UST: variants seen among roughly 807,000 people sequenced by gnomAD.
The protein encoded by UST is uronyl 2-sulfotransferase.
Under a neutral mutation model 45.6 loss-of-function variants are expected in UST, and 21 were observed. The observed-to-expected ratio is 0.46, with a 90% CI of 0.33 to 0.66. The LOEUF is 0.66. UST is among the 30% of genes least tolerant of loss of function. The pLI is 0.02. For synonymous variants in UST, 215 were observed against 200.6 expected (o/e 1.07, Z -0.61); for missense variants, 463 against 512.4 (o/e 0.90, Z 0.93).
intron 1 of UST, among the ~76,000 whole-genome samples, chr6:148,829,517 A>G (rs1238246767): frequency 6.6e-6 from 1 of 152,150 alleles, no homozygotes; most frequent in Non-Finnish European, 1.5e-5. Context: ...TGTTCAGTCT[A>G]CTTCCAAAAT....
intron 1 of UST, among the ~76,000 whole-genome samples, chr6:148,777,884 A>G (rs766601196): frequency 2.0e-5 from 3 of 152,162 alleles, no homozygotes; most frequent in Non-Finnish European, 4.4e-5. Context: ...AGTACATACT[A>G]TTCTGTTACA....
intron 1 of UST, among the ~76,000 whole-genome samples, chr6:148,806,383 G>C (rs914417074): frequency 6.6e-5 from 10 of 152,116 alleles, no homozygotes; most frequent in Admixed American, 6.5e-4. Flanking sequence ...CTGTCACCCA[G>C]GCTGGAGTGC....
At chr6:148,874,078 G>A (rs9498170) in intron 1 of UST, among the ~76,000 whole-genome samples, 1 of 152,268 alleles carries the variant, frequency 6.6e-6, no homozygotes, top group East Asian at 1.9e-4. Flanking sequence ...AGGTGTGTTA[G>A]CATTCCACAG....
intron 5 of UST, among the ~76,000 whole-genome samples, chr6:148,994,483 C>G (rs926833702): frequency 1.3e-5 from 2 of 152,138 alleles, no homozygotes; most frequent in African/African-American, 4.8e-5. Flanking sequence ...GCATCATGGT[C>G]TCCTCTGATT....
At chr6:148,883,943 C>T (rs1433480297) in intron 1 of UST, among the ~76,000 whole-genome samples, 2 of 152,046 alleles carry the variant, frequency 1.3e-5, no homozygotes, top group Non-Finnish European at 2.9e-5. Context: ...ACCAGCCTGG[C>T]CAACATGGAG....
chr6:149,001,055 C>T (rs2486394), intron 5 of UST, among the ~76,000 whole-genome samples: 43,183 of 148,032 alleles, frequency 0.29, 6,325 homozygotes, highest in Middle Eastern at 0.37. Context: ...CAAAATATTC[C>T]AAAATTGGAG....
chr6:148,841,355 A>G (rs1005453090), intron 1 of UST, among the ~76,000 whole-genome samples: 1 of 152,168 alleles, frequency 6.6e-6, no homozygotes, highest in Non-Finnish European at 1.5e-5. Context: ...AAAATGAATT[A>G]TTGATTATTT....
At chr6:148,757,293 A>G (rs927580237) in intron 1 of UST, among the ~76,000 whole-genome samples, 3 of 152,274 alleles carry the variant, frequency 2.0e-5, no homozygotes, top group Non-Finnish European at 2.9e-5. Context: ...GTGTGCATAC[A>G]GTTAGAATGC....
chr6:148,935,938 T>C (rs913810690), intron 2 of UST, among the ~76,000 whole-genome samples: 1 of 152,202 alleles, frequency 6.6e-6, no homozygotes, highest in East Asian at 1.9e-4. Flanking sequence ...ATACTGGTTG[T>C]GATCGCCGAC....
chr6:148,757,522 G>T (rs1164062466), intron 1 of UST, among the ~76,000 whole-genome samples: 1 of 152,180 alleles, frequency 6.6e-6, no homozygotes, highest in Non-Finnish European at 1.5e-5. Flanking sequence ...ACCTAGAACT[G>T]CAACACGACC....
chr6:149,062,763 C>A (rs1021085737), intron 7 of UST, among the ~76,000 whole-genome samples: 1 of 152,206 alleles, frequency 6.6e-6, no homozygotes, highest in African/African-American at 2.4e-5. Context: ...CTGAAATGTC[C>A]TGGCTGTACA....
At chr6:149,029,434 A>G (rs999891772) in intron 7 of UST, among the ~76,000 whole-genome samples, 2 of 66,428 alleles carry the variant, frequency 3.0e-5, no homozygotes, top group Non-Finnish European at 5.9e-5. Context: ...TGTATACATT[A>G]TATTATATTA....
chr6:148,862,643 TC>T (rs1778342349), intron 1 of UST, among the ~76,000 whole-genome samples: 1 of 152,236 alleles, frequency 6.6e-6, no homozygotes, highest in South Asian at 2.1e-4. Context: ...TACTGGTTGT[TC>T]CTTTCCATGT....
At chr6:148,902,163 C>T (rs188016699) in intron 2 of UST, among the ~76,000 whole-genome samples, 2 of 152,162 alleles carry the variant, frequency 1.3e-5, no homozygotes, top group East Asian at 3.9e-4. Flanking sequence ...TTTCATGTAC[C>T]ATTCCAGATA....
intron 5 of UST, among the ~76,000 whole-genome samples, chr6:149,010,637 G>A (rs1022854747): frequency 6.6e-6 from 1 of 151,988 alleles, no homozygotes; most frequent in African/African-American, 2.4e-5. Context: ...GCTCATGCCT[G>A]TAGTCTCAGC....
chr6:148,857,914 G>C (rs867397981), intron 1 of UST, among the ~76,000 whole-genome samples: 4 of 151,714 alleles, frequency 2.6e-5, no homozygotes, highest in African/African-American at 7.3e-5. Flanking sequence ...CAGTGAATAG[G>C]AATCTTCATT....
Position 149,019,129 on chromosome 6 carries a change from T to C in UST, c.682-10T>C, listed in dbSNP as rs780576003. 4.4e-6 allele frequency: 7 copies of C among 1,601,774 alleles called. No homozygotes were observed. In the African/African-American group the frequency reaches 9.4e-5, roughly 21 times the overall value. On this transcript the variant is annotated splice_polypyrimidine_tract_variant and intron_variant, in intron 5 of 7. Transcript: ENST00000367463. Reference sequence around the variant, plus strand: ...TACAAGACATCTGACTGCTGTATTTTCTCTTCTAGGATATCAATGAGTGTA... The same window carrying C: ...TACAAGACATCTGACTGCTGTATTTCCTCTTCTAGGATATCAATGAGTGTA...
At chr6:148,858,723 C>A (rs1778251532) in intron 1 of UST, among the ~76,000 whole-genome samples, 1 of 152,174 alleles carries the variant, frequency 6.6e-6, no homozygotes, top group South Asian at 2.1e-4. Context: ...GTTCAGTTCC[C>A]ACCTATGAGT....
intron 2 of UST, among the ~76,000 whole-genome samples, chr6:148,923,483 A>T (rs1013488998): frequency 6.6e-6 from 1 of 152,242 alleles, no homozygotes; most frequent in Non-Finnish European, 1.5e-5. Flanking sequence ...GGTGGCTATA[A>T]AGTGGTATCT....
Sources: allele counts gnomAD v4.1 joint callset (sites outside exome capture counted in the v4.1 genomes callset), GRCh38; gene constraint gnomAD v4.1.1; transcripts MANE v1.5; gene names NCBI Gene and HGNC (gene_info 2026-07-23, HGNC 2026-07-21).